The following GSS variants were observed in gnomAD, a reference collection of about 807,000 sequenced individuals.
GSS encodes glutathione synthetase.
In GSS, 34 loss-of-function variants were observed where a neutral mutation model predicts 60.4. That is an observed-to-expected ratio of 0.56 (90% CI 0.43 to 0.75). The LOEUF is 0.75. GSS is among the 30% of genes least tolerant of loss of function. The pLI is 0.00. For missense variants in GSS, 499 were observed against 595.1 expected (o/e 0.84, Z 1.68); for synonymous variants, 224 against 239.0 (o/e 0.94, Z 0.58).
At position 34,931,993 on chromosome 20, in the gene GSS, A is replaced by C; in HGVS notation, c.975T>G (p.Pro325=). The C allele has an allele frequency of 3.1e-6, 5 of 1,614,222 alleles. No homozygotes were observed. The highest frequency in any genetic ancestry group is 4.2e-6 in the Non-Finnish European group (5 of 1,180,032). The change falls in exon 10 of 13, where the codon CCT becomes CCG. Residue 325 remains proline (P), a synonymous_variant. Coordinates refer to ENST00000651619, the MANE Select transcript of GSS (RefSeq NM_000178.4). ...TGGCGCGGAGGCGGGCCACAGCCTC[A>C]GGCTGGCCAGGGAGCAACATCTCCA... ...GMLEMLLPGQ[P]EAVARLRATF...
chr20:34,949,808 A>C (rs923184877), intron 2 of GSS: 1 of 152,140 alleles, frequency 6.6e-6, no homozygotes, highest in Non-Finnish European at 1.5e-5. Flanking sequence ...ATGATAGTTA[A>C]CTTTGTGTAG....
At chr20:34,932,331 C>A (rs1009587883) in intron 9 of GSS, among the ~76,000 whole-genome samples, 198 bp from the exon 10 acceptor site, 3 of 152,270 alleles carry the variant, frequency 2.0e-5, no homozygotes, top group South Asian at 2.1e-4. Context: ...TGAGCCCCTG[C>A]AAAGGCAAGA....
At chr20:34,951,550 T>C in intron 2 of GSS, 174 bp downstream of exon 2, 1 of 699,664 alleles carries the variant, frequency 1.4e-6, no homozygotes. Flanking sequence ...ATATTTAAAT[T>C]TGATTACTCC....
chr20:34,946,079 A>T lies in GSS; in HGVS notation c.149T>A (p.Phe50Tyr). Residue 50 changes from phenylalanine (F) to tyrosine (Y), a missense_variant, in exon 3 of 13, where the codon TTC becomes TAC. By Grantham distance (22) the Phe-to-Tyr change is conservative (BLOSUM62 3). Coordinates refer to ENST00000651619, the MANE Select transcript of GSS (RefSeq NM_000178.4). ...GGGGACCAGTGAGGGGAAGAGCGTG[A>T]ATGGGGCATAGCTCACCACCTGTGA... ...TSSEVVSYAP[F>Y]TLFPSLVPSA... 3 of 1,613,578 alleles carry T rather than the reference A, an allele frequency of 1.9e-6. No individual in the cohort carries two copies. Among genetic ancestry groups the T allele is most frequent in the Non-Finnish European group, 2.5e-6 (3 of 1,179,664 alleles).
At chr20:34,935,515 G>A in intron 9 of GSS, 61 bp downstream of exon 9, 1 of 1,115,490 alleles carries the variant, frequency 9.0e-7, no homozygotes, top group South Asian at 1.2e-5. Flanking sequence ...CCTGAATTGG[G>A]TCTCTGTGGA....
chr20:34,952,097 A>G, intron 1 of GSS: 1 of 554,406 alleles, frequency 1.8e-6, no homozygotes, highest in African/African-American at 1.9e-5. Context: ...TCCCAACACA[A>G]TGGCATTATT....
Position 34,929,699 on chromosome 20 carries a change from C to G in GSS, c.1112-109G>C. 3.2e-6 allele frequency: 3 copies of G among 936,432 alleles called. No homozygotes were observed. The Admixed American group carries it at 5.1e-5, about 16-fold the overall frequency. 58.0% of individuals were successfully genotyped at this position (936,432 alleles called of 1,614,324 possible). On this transcript the variant is annotated intron_variant, in intron 11 of 12. Coordinates refer to ENST00000651619, the MANE Select transcript of GSS (RefSeq NM_000178.4). Reference sequence around the variant, plus strand: ...GTCAGCAGCCTCAGTTCCTGGCACCCGCTCAGTGAAGCCAGGGCATATCTG... The same window carrying G: ...GTCAGCAGCCTCAGTTCCTGGCACCGGCTCAGTGAAGCCAGGGCATATCTG...
In GSS at chr20:34,941,768, T is replaced by C. The variant is rs767228840; in HGVS notation, c.553A>G (p.Ser185Gly). 6.2e-7 allele frequency: 1 copy of C among 1,612,122 alleles called. No individual in the cohort carries two copies. The highest frequency in any genetic ancestry group is 1.7e-5 in the Admixed American group (1 of 60,018). Residue 185 changes from serine (S) to glycine (G), a missense_variant, in exon 6 of 13, where the codon AGC becomes GGC. Transcript: ENST00000651619. ...EAGKILSNNP[S>G]KGLALGIAKA... is the part of the protein sequence containing the mutation. ...GCAATTCCCAGGGCCAGTCCCTTGCTGGGATTATTAGAGAGGATCTTGCCA... is the reference window on the plus strand; with the variant it reads ...GCAATTCCCAGGGCCAGTCCCTTGCCGGGATTATTAGAGAGGATCTTGCCA...
intron 12 of GSS, 33 bp downstream of exon 12, chr20:34,929,367 AG>A: frequency 6.4e-7 from 1 of 1,566,698 alleles, no homozygotes; most frequent in Non-Finnish European, 8.8e-7. Context: ...TCTTGCAAGC[AG>A]GTAGTGGAAA....
At chr20:34,943,934 C>T (rs1334528317) in intron 3 of GSS, among the ~76,000 whole-genome samples, 1 of 152,208 alleles carries the variant, frequency 6.6e-6, no homozygotes, top group African/African-American at 2.4e-5. Flanking sequence ...TGATTAACAT[C>T]ACACTTACTG....
At chr20:34,937,459 T>C (rs1196799745) in intron 6 of GSS, among the ~76,000 whole-genome samples, 1 of 151,830 alleles carries the variant, frequency 6.6e-6, no homozygotes, top group African/African-American at 2.4e-5. Flanking sequence ...ATGCAGGGGG[T>C]CCGGGGCTAA....
intron 2 of GSS, among the ~76,000 whole-genome samples, chr20:34,947,565 C>T (rs970874320): frequency 3.3e-5 from 5 of 152,216 alleles, no homozygotes; most frequent in Non-Finnish European, 5.9e-5. Context: ...GTGTCTCACA[C>T]ATCCTTCCAG....
rs2081370708 is a variant in GSS, at chr20:34,928,643, G to A, written c.*185C>T. 9 of 680,416 alleles carry A rather than the reference G, an allele frequency of 1.3e-5. No homozygotes were observed. The highest frequency in any genetic ancestry group is 2.4e-5 in the Non-Finnish European group (9 of 381,732). 42.1% of individuals were successfully genotyped at this position (680,416 alleles called of 1,614,324 possible). A position where few individuals can be genotyped will look rare whatever the true frequency, so the allele number is the denominator to read the frequency against. On this transcript the variant is annotated 3_prime_UTR_variant, in exon 13 of 13. Transcript: ENST00000651619. ...CTATACCCACATCTCAAGGATTTGG[G>A]GGCGTCTAGATCTCATCTAAGGGAG...
intron 8 of GSS, 79 bp downstream of exon 8, chr20:34,936,684 G>A (rs1177945870): frequency 4.9e-6 from 5 of 1,012,458 alleles, no homozygotes; most frequent in Admixed American, 1.7e-5. Flanking sequence ...TCTCCCAGAA[G>A]AAAGAATCAT....
At chr20:34,935,152 G>A (rs569206706) in intron 9 of GSS, among the ~76,000 whole-genome samples, 1 of 152,288 alleles carries the variant, frequency 6.6e-6, no homozygotes, top group Non-Finnish European at 1.5e-5. Context: ...AAACTACATG[G>A]TAGGATAGCA....
At chr20:34,948,506 C>A (rs2081540539) in intron 2 of GSS, among the ~76,000 whole-genome samples, 1 of 152,174 alleles carries the variant, frequency 6.6e-6, no homozygotes, top group African/African-American at 2.4e-5. Context: ...ACATTACTGG[C>A]CGGGCACGGT....
intron 3 of GSS, among the ~76,000 whole-genome samples, chr20:34,944,501 C>T (rs1000048150): frequency 6.6e-6 from 1 of 152,310 alleles, no homozygotes. Context: ...ATGACCCCTT[C>T]TCATATTCAC....
intron 6 of GSS, 35 bp downstream of exon 6, chr20:34,941,678 A>G (rs1204983351): frequency 8.8e-7 from 1 of 1,141,838 alleles, no homozygotes; most frequent in East Asian, 2.3e-5. Context: ...CTGAAACTAA[A>G]GCAGGATCCT....
At chr20:34,950,581 C>T (rs2378261) in intron 2 of GSS, among the ~76,000 whole-genome samples, 44,135 of 148,228 alleles carry the variant, frequency 0.3, 6,791 homozygotes, top group African/African-American at 0.34. Flanking sequence ...GCCTGGACAA[C>T]ATGGTGAAAC....
Sources: allele counts gnomAD v4.1 joint callset (sites outside exome capture counted in the v4.1 genomes callset), GRCh38; gene constraint gnomAD v4.1.1; transcripts MANE v1.5; gene names NCBI Gene and HGNC (gene_info 2026-07-23, HGNC 2026-07-21).